The following KIAA1549L variants were observed in gnomAD, a reference collection of about 807,000 sequenced individuals.
KIAA1549L encodes UPF0606 protein KIAA1549L.
KIAA1549L carries 88 observed loss-of-function variants against 160.7 expected under a neutral mutation model. The ratio of observed to expected loss-of-function variants is 0.55; its 90% CI spans 0.46 to 0.65. KIAA1549L has a LOEUF of 0.65. KIAA1549L is among the 30% of genes least tolerant of loss of function. The pLI, the probability that KIAA1549L is intolerant of heterozygous loss-of-function variation, is 0.00. For synonymous variants in KIAA1549L, 950 were observed against 976.7 expected (o/e 0.97, Z 0.51); for missense variants, 2,258 against 2,437.5 (o/e 0.93, Z 1.55).
intron 8 of KIAA1549L, among the ~76,000 whole-genome samples, chr11:33,566,299 A>G (rs1855047798): frequency 6.6e-6 from 1 of 152,236 alleles, no homozygotes; most frequent in South Asian, 2.1e-4. Flanking sequence ...GGAGAGGACA[A>G]CTTAGAAGTA....
intron 1 of KIAA1549L, among the ~76,000 whole-genome samples, chr11:33,446,568 G>C (rs1008303913): frequency 1.3e-5 from 2 of 152,160 alleles, no homozygotes; most frequent in Admixed American, 6.5e-5. Context: ...TTCAGGATCA[G>C]CTTGGCCACG....
Position 33,543,207 on chromosome 11 carries a change from T to G in KIAA1549L, c.1644T>G (p.Pro548=). 6.2e-7 allele frequency: 1 copy of G among 1,614,044 alleles called. No individual in the cohort carries two copies. Among genetic ancestry groups the G allele is most frequent in the Non-Finnish European group, 8.5e-7 (1 of 1,179,900 alleles). Reference sequence around the variant, plus strand: ...ACTTGCTCCTCTCAAGCAAAGTTCCTAATCTTCTTTCCACATCTTGGACAT... The same window carrying G: ...ACTTGCTCCTCTCAAGCAAAGTTCCGAATCTTCTTTCCACATCTTGGACAT... ...TRDLLLSSKV[P]NLLSTSWTFP... Residue 548 remains proline, a synonymous_variant, in exon 2 of 21, where the codon CCT becomes CCG. Coordinates refer to ENST00000658780, the MANE Select transcript of KIAA1549L (RefSeq NM_012194.3).
intron 1 of KIAA1549L, among the ~76,000 whole-genome samples, chr11:33,435,824 A>ATATT: frequency 1.8e-5 from 1 of 56,976 alleles, no homozygotes; most frequent in Admixed American, 1.9e-4. Context: ...GTGTGTATAT[A>ATATT]TATATATGTA....
chr11:33,564,690 A>G (rs1854987994), intron 8 of KIAA1549L, among the ~76,000 whole-genome samples: 1 of 152,252 alleles, frequency 6.6e-6, no homozygotes, highest in Non-Finnish European at 1.5e-5. Flanking sequence ...AGACCCAGCA[A>G]TGGAAAAATT....
At chr11:33,661,950 A>G (rs929753118) in intron 20 of KIAA1549L, among the ~76,000 whole-genome samples, 27 of 151,784 alleles carry the variant, frequency 1.8e-4, no homozygotes, top group Non-Finnish European at 2.6e-4. Context: ...TTTCCAGATG[A>G]CCAAGTCTTA....
intron 1 of KIAA1549L, among the ~76,000 whole-genome samples, chr11:33,531,464 C>A (rs913634744): frequency 6.6e-6 from 1 of 151,768 alleles, no homozygotes; most frequent in Non-Finnish European, 1.5e-5. Flanking sequence ...AGGAATGAGA[C>A]TCTGTCTCAA....
chr11:33,419,208 C>T (rs1333557276), intron 1 of KIAA1549L, among the ~76,000 whole-genome samples: 47 of 152,132 alleles, frequency 3.1e-4, no homozygotes, highest in Admixed American at 3.1e-3. Flanking sequence ...TTTACATTTT[C>T]CTCTCAACTT....
chr11:33,460,221 G>T (rs1313974577), intron 1 of KIAA1549L, among the ~76,000 whole-genome samples: 1 of 152,126 alleles, frequency 6.6e-6, no homozygotes, highest in Non-Finnish European at 1.5e-5. Flanking sequence ...AGAGACCTTG[G>T]CTTCACTGGA....
intron 1 of KIAA1549L, among the ~76,000 whole-genome samples, chr11:33,472,786 T>C (rs1200463601): frequency 6.6e-6 from 1 of 152,222 alleles, no homozygotes; most frequent in Non-Finnish European, 1.5e-5. Context: ...TCCATGTTTC[T>C]CATGCTGCAA....
intron 16 of KIAA1549L, among the ~76,000 whole-genome samples, chr11:33,623,441 T>C (rs897190741): frequency 3.3e-5 from 5 of 152,192 alleles, no homozygotes; most frequent in African/African-American, 7.2e-5. Flanking sequence ...CTCTCCCAGC[T>C]AACATGAGCT....
intron 1 of KIAA1549L, among the ~76,000 whole-genome samples, chr11:33,524,915 C>T (rs1027510158): frequency 2.0e-5 from 3 of 152,128 alleles, no homozygotes; most frequent in Non-Finnish European, 4.4e-5. Flanking sequence ...TTATTAATGC[C>T]ACTAAAGCCA....
intron 16 of KIAA1549L, among the ~76,000 whole-genome samples, chr11:33,644,189 C>G (rs1177637403): frequency 6.6e-6 from 1 of 152,200 alleles, no homozygotes; most frequent in African/African-American, 2.4e-5. Flanking sequence ...TAGAAAACCT[C>G]ACTTTTCATC....
At chr11:33,398,188 C>G (rs1023572751) in intron 1 of KIAA1549L, among the ~76,000 whole-genome samples, 9 of 151,094 alleles carry the variant, frequency 6.0e-5, no homozygotes, top group African/African-American at 2.2e-4. Flanking sequence ...TCCCAAAGTG[C>G]TGGGATTACA....
chr11:33,415,306 T>C (rs1353033416), intron 1 of KIAA1549L, among the ~76,000 whole-genome samples: 1 of 152,206 alleles, frequency 6.6e-6, no homozygotes, highest in African/African-American at 2.4e-5. Flanking sequence ...CTGAGTTTCA[T>C]GAATATGGTG....
chr11:33,382,676 T>C (rs1850095230), intron 1 of KIAA1549L, among the ~76,000 whole-genome samples: 1 of 152,202 alleles, frequency 6.6e-6, no homozygotes, highest in Non-Finnish European at 1.5e-5. Flanking sequence ...GACTTTTTAC[T>C]CTGAGTATGA....
intron 1 of KIAA1549L, among the ~76,000 whole-genome samples, chr11:33,407,720 G>A (rs1031181918): frequency 1.3e-5 from 2 of 152,162 alleles, no homozygotes; most frequent in Non-Finnish European, 2.9e-5. Context: ...ACTCTAATGA[G>A]GGTTGGGGAA....
chr11:33,410,944 A>G (rs533374427), intron 1 of KIAA1549L, among the ~76,000 whole-genome samples: 26 of 152,266 alleles, frequency 1.7e-4, no homozygotes, highest in African/African-American at 5.8e-4. Context: ...AAGAGGTACA[A>G]GTGAGTAATG....
At chr11:33,535,920 C>A (rs530273154) in intron 1 of KIAA1549L, among the ~76,000 whole-genome samples, 1 of 152,328 alleles carries the variant, frequency 6.6e-6, no homozygotes, top group Non-Finnish European at 1.5e-5. Context: ...AGCTATCTCT[C>A]ATTTCCTCCT....
chr11:33,452,938 C>T lies in KIAA1549L; in HGVS notation c.238+76049C>T, dbSNP rs551581849. ...GATGAAGTGAGAGCTTTCCTTCCTG[C>T]GGACACACTCCCTCCTGCCCATTTT... On this transcript the variant is annotated intron_variant, in intron 1 of 20. Transcript: ENST00000658780. Among the ~76,000 whole-genome samples the T allele has an allele frequency of 1.1e-4, 17 of 152,244 alleles. No individual in the cohort carries two copies. The South Asian group carries it at 1.9e-3, about 17-fold the overall frequency.
Sources: allele counts gnomAD v4.1 joint callset (sites outside exome capture counted in the v4.1 genomes callset), GRCh38; gene constraint gnomAD v4.1.1; transcripts MANE v1.5; gene names NCBI Gene and HGNC (gene_info 2026-07-23, HGNC 2026-07-21).